Variants in PCDH15 observed in about 807,000 individuals in gnomAD.
PCDH15 encodes the protein protocadherin related 15.
In PCDH15, 129 loss-of-function variants were observed where a neutral mutation model predicts 178.5. The observed-to-expected ratio is 0.72, with a 90% CI of 0.63 to 0.84. The LOEUF (loss-of-function observed/expected upper bound fraction) is 0.84. Among genes scored for constraint, PCDH15 ranks in the 40% least tolerant of loss-of-function variants. The pLI is 0.00. For synonymous variants in PCDH15, 800 were observed against 732.0 expected (o/e 1.09, Z -1.50); for missense variants, 2,230 against 2,099.9 (o/e 1.06, Z -1.21).
chr10:54,852,097 A>G (rs1341917469), intron 3 of PCDH15, among the ~76,000 whole-genome samples: 1 of 152,184 alleles, frequency 6.6e-6, no homozygotes, highest in East Asian at 1.9e-4. Flanking sequence ...AAGCTCTGTT[A>G]TATTGGCAGA....
At chr10:54,787,280 A>AT (rs939384362) in intron 1 of PCDH15, among the ~76,000 whole-genome samples, 3 of 151,740 alleles carry the variant, frequency 2.0e-5, no homozygotes, top group African/African-American at 7.3e-5. Context: ...GGAAAAAAAA[A>AT]CAATTTTTAC....
intron 2 of PCDH15, among the ~76,000 whole-genome samples, chr10:55,551,716 G>T (rs558992462): frequency 6.6e-6 from 1 of 151,790 alleles, no homozygotes; most frequent in African/African-American, 2.4e-5. Context: ...ACTTCTGAGA[G>T]CTATTACTGT....
chr10:54,257,062 T>TAGAC (rs1366516295), intron 8 of PCDH15, among the ~76,000 whole-genome samples: 4 of 139,148 alleles, frequency 2.9e-5, no homozygotes, highest in Non-Finnish European at 4.4e-5. Context: ...GATAGATAGA[T>TAGAC]AGATAGATAG....
intron 2 of PCDH15, among the ~76,000 whole-genome samples, chr10:54,642,946 A>T (rs2094025662): frequency 6.6e-6 from 1 of 152,152 alleles, no homozygotes; most frequent in Admixed American, 6.5e-5. Flanking sequence ...TTTTTGGGAC[A>T]GAATCTCGCT....
intron 2 of PCDH15, among the ~76,000 whole-genome samples, chr10:55,578,432 G>T (rs1159904129): frequency 6.6e-6 from 1 of 151,994 alleles, no homozygotes; most frequent in Non-Finnish European, 1.5e-5. Flanking sequence ...TGTTAGCCAG[G>T]ATGGTCTCGA....
chr10:53,828,152 G>T (rs1229529620), intron 31 of PCDH15, among the ~76,000 whole-genome samples: 1 of 130,586 alleles, frequency 7.7e-6, no homozygotes, highest in Non-Finnish European at 1.5e-5. Context: ...GTTGCAGTGA[G>T]CCCAGATCAC....
At chr10:55,026,009 A>G (rs1564728357) in intron 2 of PCDH15, among the ~76,000 whole-genome samples, 1 of 152,024 alleles carries the variant, frequency 6.6e-6, no homozygotes, top group Non-Finnish European at 1.5e-5. Flanking sequence ...ATTTAGTTTG[A>G]ATGAAGTTTT....
At chr10:55,050,805 CT>C (rs1399000962) in intron 2 of PCDH15, among the ~76,000 whole-genome samples, 2 of 152,206 alleles carry the variant, frequency 1.3e-5, no homozygotes, top group African/African-American at 2.4e-5. Flanking sequence ...TTTGCAAGGA[CT>C]TTTCATATTG....
At chr10:53,956,102 T>C (rs1459037154) in intron 23 of PCDH15, among the ~76,000 whole-genome samples, 2 of 152,188 alleles carry the variant, frequency 1.3e-5, no homozygotes, top group Admixed American at 6.5e-5. Flanking sequence ...TAATTAATTA[T>C]GCGATTAGTT....
rs897893051 is a variant in PCDH15, at chr10:55,137,534, G to A, written c.-80+29042C>T. Reference sequence around the variant, plus strand: ...AGTGATGCATGACTGTAACAGATTCGGGTTTTTTTTTTTTAAGGGTAAATC... The same window carrying A: ...AGTGATGCATGACTGTAACAGATTCAGGTTTTTTTTTTTTAAGGGTAAATC... On this transcript the variant is annotated intron_variant, in intron 2 of 5. Coordinates refer to the PCDH15 transcript ENST00000458638. Among the ~76,000 whole-genome samples the A allele has an allele frequency of 4.9e-3, 62 of 12,738 alleles. No individual in the cohort carries two copies. The Non-Finnish European group carries it at 0.054, about 11-fold the overall frequency. The allele number at this position is 12,738 out of a possible 152,430, so 8.4% of individuals were successfully genotyped here. A position where few individuals can be genotyped will look rare whatever the true frequency, so the allele number is the denominator to read the frequency against.
Position 53,807,018 on chromosome 10 carries a change from A to T in PCDH15, c.4784T>A (p.Ile1595Asn), listed in dbSNP as rs904828819. ...CQRNRLHHPS[I>N]HSNINGNIYI... ...TATATTGCCGTTGATATTACTGTGG[A>T]TACTAGGATGGTGAAGACGGTTTCT... is the stretch of plus-strand genomic sequence containing the variant. Residue 1595 changes from isoleucine (I) to asparagine (N), a missense_variant, in exon 38 of 38, where the codon ATC (isoleucine) becomes AAC (asparagine). By Grantham distance (149) the Ile-to-Asn change is moderately radical. Transcript: ENST00000644397. 6.2e-7 allele frequency: 1 copy of T among 1,613,576 alleles called. No homozygotes were observed. Among genetic ancestry groups the T allele is most frequent in the East Asian group, 2.2e-5 (1 of 44,874 alleles).
At chr10:55,226,359 GTTTTGT>G (rs138845232) in intron 1 of PCDH15, among the ~76,000 whole-genome samples, 10,530 of 151,520 alleles carry the variant, frequency 0.069, 418 homozygotes, top group Non-Finnish European at 0.093. Flanking sequence ...TTTTTGTTTT[GTTTTGT>G]TTTTGTTTTT....
chr10:54,177,991 G>A (rs557093102), intron 13 of PCDH15, among the ~76,000 whole-genome samples: 100 of 152,126 alleles, frequency 6.6e-4, no homozygotes, highest in African/African-American at 2.3e-3. Context: ...ATATATAGAG[G>A]TGATGATTGA....
chr10:53,929,355 C>T (rs1230732654), intron 25 of PCDH15, among the ~76,000 whole-genome samples: 1 of 151,904 alleles, frequency 6.6e-6, no homozygotes, highest in East Asian at 1.9e-4. Flanking sequence ...ATATAAGATG[C>T]CTAAAATTTC....
intron 6 of PCDH15, among the ~76,000 whole-genome samples, chr10:54,340,030 T>C (rs189352162): frequency 6.7e-4 from 102 of 152,326 alleles, no homozygotes; most frequent in South Asian, 1.9e-3. Flanking sequence ...CCTATTGCAG[T>C]GGTCCTGAAT....
At chr10:54,004,355 T>A (rs2092302189) in intron 20 of PCDH15, among the ~76,000 whole-genome samples, 1 of 150,508 alleles carries the variant, frequency 6.6e-6, no homozygotes, top group Admixed American at 6.7e-5. Flanking sequence ...TTATCCTTGT[T>A]TGCAAATGAT....
At chr10:54,448,712 C>T (rs1047771542) in intron 3 of PCDH15, among the ~76,000 whole-genome samples, 3 of 151,722 alleles carry the variant, frequency 2.0e-5, no homozygotes, top group African/African-American at 7.3e-5. Flanking sequence ...CCTCTATAAT[C>T]TTCAAAGGCA....
intron 3 of PCDH15, among the ~76,000 whole-genome samples, chr10:54,847,549 A>G (rs890628441): frequency 2.0e-5 from 3 of 152,154 alleles, no homozygotes; most frequent in Admixed American, 6.5e-5. Context: ...GGAATCAATT[A>G]TAATTTACCT....
chr10:54,516,665 A>T (rs2082255400), intron 3 of PCDH15, among the ~76,000 whole-genome samples: 1 of 152,220 alleles, frequency 6.6e-6, no homozygotes, highest in Admixed American at 6.5e-5. Flanking sequence ...AACTTCCCCA[A>T]CCTAGCAAGG....
Sources: gnomAD v4.1 joint callset for allele counts (sites outside exome capture counted in the v4.1 genomes callset) on GRCh38, gnomAD v4.1.1 for gene constraint, MANE v1.5 for transcripts, NCBI Gene and HGNC (gene_info 2026-07-23, HGNC 2026-07-21) for gene names.